ZNF511: variants seen among roughly 807,000 people sequenced by gnomAD.
The protein encoded by ZNF511 is zinc finger protein 511.
Under a neutral mutation model 24.8 loss-of-function variants are expected in ZNF511, and 26 were observed. That is an observed-to-expected ratio of 1.05 (90% CI 0.77 to 1.46). The LOEUF (loss-of-function observed/expected upper bound fraction) is 1.46, where lower values mean the gene tolerates loss of function less well. ZNF511 is among the 40% of genes most tolerant of loss of function. The probability of loss-of-function intolerance (pLI) is 0.00; values close to 1 mark genes in which losing one functional copy is unlikely to be tolerated. For synonymous variants in ZNF511, 144 were observed against 139.6 expected, an observed-to-expected ratio of 1.03 and a Z score of -0.22; for missense variants, 358 against 345.0, an observed-to-expected ratio of 1.04 and a Z score of -0.30.
Position 133,308,937 on chromosome 10 carries a change from C to A in ZNF511, c.-7C>A. On this transcript the variant is annotated 5_prime_UTR_variant, in exon 1 of 6. Coordinates refer to ENST00000361518, the MANE Select transcript of ZNF511 (RefSeq NM_145806.4). The stretch of plus-strand genomic sequence containing the variant: ...CCGACAGGCTGCGCCCGCCCGCGCC[C>A]GGGGTGATGCAGTTGCCCCCCGCGC... The A allele has an allele frequency of 3.3e-6, 4 of 1,224,328 alleles. No homozygotes were observed. The highest frequency in any genetic ancestry group is 4.1e-6 in the Non-Finnish European group (4 of 977,932). The allele number at this position is 1,224,328 out of a possible 1,614,324, so 75.8% of individuals were successfully genotyped here. A position where few individuals can be genotyped will look rare whatever the true frequency, so the allele number is the denominator to read the frequency against.
chr10:133,309,138 T>C (rs1589841674), intron 1 of ZNF511, 42 bp downstream of exon 1: 2 of 1,380,524 alleles, frequency 1.4e-6, no homozygotes, highest in East Asian at 2.8e-5. Context: ...TAGGATCCAG[T>C]GGGGCCTACG....
chr10:133,309,771 G>A lies in ZNF511; in HGVS notation c.228-5G>A. 1 of 1,612,534 alleles carries A rather than the reference G, an allele frequency of 6.2e-7. No homozygotes were observed. The highest frequency in any genetic ancestry group is 8.5e-7 in the Non-Finnish European group (1 of 1,180,018). ...AAGGGCTCCTGAAGCACGTCTCCTTGGCAGGGTGCCCGCGTTTGCCTGCCA... is the reference window on the plus strand; with the variant it reads ...AAGGGCTCCTGAAGCACGTCTCCTTAGCAGGGTGCCCGCGTTTGCCTGCCA... On this transcript the variant is annotated splice_region_variant and splice_polypyrimidine_tract_variant and intron_variant, in intron 2 of 5. Coordinates refer to ENST00000361518, the MANE Select transcript of ZNF511 (RefSeq NM_145806.4).
chr10:133,312,152 C>CGTTT, intron 5 of ZNF511: 1 of 1,433,668 alleles, frequency 7.0e-7, no homozygotes, highest in Non-Finnish European at 9.1e-7. Context: ...CAGGCGTCTG[C>CGTTT]CTTAATAGCA....
rs1847951194 is a variant in ZNF511 at position 133,309,971 on chromosome 10, G to A, written c.423G>A (p.Gln141=). The change falls in exon 3 of 6, where the codon CAG becomes CAA. Residue 141 remains glutamine (Q), a synonymous_variant. Transcript: ENST00000361518. ...DSLFQILSER[Q]DMYQCLVEGC... Reference sequence around the variant, plus strand: ...TCTTCCAGATCCTGTCTGAGAGGCAGGACATGGTGGGTGACAACTGCACAG... The same window carrying A: ...TCTTCCAGATCCTGTCTGAGAGGCAAGACATGGTGGGTGACAACTGCACAG... 3 of 1,612,772 alleles carry A rather than the reference G, an allele frequency of 1.9e-6. No homozygotes were observed. The highest frequency in any genetic ancestry group is 2.5e-6 in the Non-Finnish European group (3 of 1,179,906).
intron 4 of ZNF511, among the ~76,000 whole-genome samples, chr10:133,311,230 TTAAAA>T (rs953683597): frequency 1.3e-5 from 2 of 152,232 alleles, no homozygotes; most frequent in African/African-American, 4.8e-5. Context: ...AATTTGCTCT[TTAAAA>T]TAAAAGAACT....
At position 133,312,774 on chromosome 10, in the gene ZNF511, T is replaced by C. The variant is rs767457942; in HGVS notation, c.681-14T>C. On this transcript the variant is annotated splice_polypyrimidine_tract_variant and intron_variant, in intron 5 of 5. Transcript: ENST00000361518. The stretch of plus-strand genomic sequence containing the variant: ...GCAAATACAGCATCTAATAGAAACT[T>C]TCTTCCATCCCAGAATACCCTCTAC... 3 of 1,614,188 alleles carry C rather than the reference T, an allele frequency of 1.9e-6. No individual in the cohort carries two copies. The East Asian group carries it at 6.7e-5, about 36-fold the overall frequency.
chr10:133,309,374 C>G lies in ZNF511; in HGVS notation c.154-16C>G. 1 of 1,609,136 alleles carries G rather than the reference C, an allele frequency of 6.2e-7. No individual in the cohort carries two copies. Among genetic ancestry groups the G allele is most frequent in the Non-Finnish European group, 8.5e-7 (1 of 1,178,620 alleles). On this transcript the variant is annotated splice_polypyrimidine_tract_variant and intron_variant, in intron 1 of 5. Transcript: ENST00000361518. ...GCGAGTCACCTGGCCCCGCCCACGG[C>G]GCACTTTTCCTGCAGGATGGGGACG...
chr10:133,310,843 C>G (rs1484703771), intron 4 of ZNF511, among the ~76,000 whole-genome samples: 4 of 151,962 alleles, frequency 2.6e-5, no homozygotes, highest in Admixed American at 1.3e-4. Flanking sequence ...GCTCTGACAC[C>G]CAGGCTGGAG....
intron 4 of ZNF511, 50 bp from the exon 5 acceptor site, chr10:133,311,664 CAG>C (rs747079588): frequency 1.3e-4 from 196 of 1,479,298 alleles, no homozygotes; most frequent in East Asian, 1.6e-4. Context: ...CTGGGGAACA[CAG>C]GGGCTGTGGG....
Position 133,309,511 on chromosome 10 carries a change from C to T in ZNF511, c.227+48C>T, listed in dbSNP as rs777004771. 3.9e-5 allele frequency: 62 copies of T among 1,572,350 alleles called. No homozygotes were observed. The South Asian group carries it at 6.7e-4, about 17-fold the overall frequency. On this transcript the variant is annotated intron_variant, in intron 2 of 5. Coordinates refer to ENST00000361518, the MANE Select transcript of ZNF511 (RefSeq NM_145806.4). ...GCCAGTGCTACTCCTGCGCCGCCTC[C>T]CTGACCGGTGCCTGGTCCCTGGGGC...
intron 4 of ZNF511, chr10:133,310,498 T>G (rs1220730672): frequency 4.9e-6 from 3 of 615,332 alleles, no homozygotes; most frequent in Non-Finnish European, 8.4e-6. Flanking sequence ...GGGGAGCCCC[T>G]GGCTGCCCAG....
chr10:133,312,429 C>A, intron 5 of ZNF511: 1 of 1,199,262 alleles, frequency 8.3e-7, no homozygotes, highest in Non-Finnish European at 1.0e-6. Flanking sequence ...TCCCTGCACC[C>A]TCCTTACAGA....
Position 133,308,969 on chromosome 10 carries a change from C to T in ZNF511, c.26C>T (p.Ala9Val). 8.1e-7 allele frequency: 1 copy of T among 1,242,186 alleles called. No individual in the cohort carries two copies. Among genetic ancestry groups the T allele is most frequent in the South Asian group, 3.9e-5 (1 of 25,578 alleles). 76.9% of individuals were successfully genotyped at this position (1,242,186 alleles called of 1,614,324 possible). MQLPPALC[A>V]RLAAGPGAAE... ...ATGCAGTTGCCCCCCGCGCTGTGCGCCCGCCTCGCTGCGGGGCCCGGGGCG... is the reference window on the plus strand; with the variant it reads ...ATGCAGTTGCCCCCCGCGCTGTGCGTCCGCCTCGCTGCGGGGCCCGGGGCG... The change falls in exon 1 of 6, where the codon GCC (alanine) becomes GTC (valine). Residue 9 changes from alanine (A) to valine (V), a missense_variant. Coordinates refer to ENST00000361518, the MANE Select transcript of ZNF511 (RefSeq NM_145806.4).
intron 5 of ZNF511, 94 bp downstream of exon 5, chr10:133,311,935 G>C: frequency 3.7e-6 from 6 of 1,613,088 alleles, no homozygotes; most frequent in Non-Finnish European, 5.1e-6. Context: ...TTCTCATACT[G>C]AATTCAGAAA....
intron 2 of ZNF511, 134 bp downstream of exon 2, chr10:133,309,597 G>T: frequency 7.8e-7 from 1 of 1,278,222 alleles, no homozygotes; most frequent in Non-Finnish European, 1.1e-6. Context: ...TCCAGCTTTG[G>T]CGTGGCCGAC....
Position 133,309,993 on chromosome 10 carries a change from A to C in ZNF511, c.429+16A>C. The C allele has an allele frequency of 6.2e-7, 1 of 1,611,892 alleles. No individual in the cohort carries two copies. On this transcript the variant is annotated intron_variant, in intron 3 of 5. Transcript: ENST00000361518. Reference sequence around the variant, plus strand: ...GCAGGACATGGTGGGTGACAACTGCACAGCCGCCGAGGCCACCCCCCATTG... The same window carrying C: ...GCAGGACATGGTGGGTGACAACTGCCCAGCCGCCGAGGCCACCCCCCATTG...
rs781492205 is a variant in ZNF511, at chr10:133,312,733, C to G, written c.681-55C>G. 663 of 1,613,308 alleles carry G rather than the reference C, an allele frequency of 4.1e-4. 1 individual carries two copies. Among genetic ancestry groups the G allele is most frequent in the Non-Finnish European group, 5.2e-4 (608 of 1,179,568 alleles). ...AGGAGACACACAAGTGCTGTTATGA[C>G]CTGGGTTGTTGGTTGGCAAATACAG... is the stretch of plus-strand genomic sequence containing the variant. On this transcript the variant is annotated intron_variant, in intron 5 of 5. Coordinates refer to ENST00000361518, the MANE Select transcript of ZNF511 (RefSeq NM_145806.4).
Position 133,309,183 on chromosome 10 carries a change from G to C in ZNF511, c.153+87G>C, listed in dbSNP as rs981508363. 1.2e-5 allele frequency: 17 copies of C among 1,375,946 alleles called. No homozygotes were observed. The Admixed American group carries it at 5.6e-4, about 45-fold the overall frequency. 85.2% of individuals were successfully genotyped at this position (1,375,946 alleles called of 1,614,324 possible). A position where few individuals can be genotyped will look rare whatever the true frequency, so the allele number is the denominator to read the frequency against. The stretch of plus-strand genomic sequence containing the variant: ...CGGGGCCGGAGCCTGGAGTGGGAGG[G>C]GCCTACGACTGCGGGGCGGGGCCGG... On this transcript the variant is annotated intron_variant, in intron 1 of 5. Coordinates refer to ENST00000361518, the MANE Select transcript of ZNF511 (RefSeq NM_145806.4).
rs775574245 is a variant in ZNF511 at position 133,309,398 on chromosome 10, C to T, written c.162C>T (p.Asp54=). The change falls in exon 2 of 6, where the codon GAC becomes GAT. Residue 54 remains aspartate (D), a synonymous_variant. Transcript: ENST00000361518. ...PREHQFFEDG[D]VQRHLYLQDV... The stretch of plus-strand genomic sequence containing the variant: ...GCGCACTTTTCCTGCAGGATGGGGA[C>T]GTGCAGCGCCACCTCTACCTCCAGG... The T allele has an allele frequency of 2.5e-6, 4 of 1,611,606 alleles. No individual in the cohort carries two copies. The highest frequency in any genetic ancestry group is 2.2e-5 in the South Asian group (2 of 90,920).
Sources: allele counts gnomAD v4.1 joint callset (sites outside exome capture counted in the v4.1 genomes callset), GRCh38; gene constraint gnomAD v4.1.1; transcripts MANE v1.5; gene names NCBI Gene and HGNC (gene_info 2026-07-23, HGNC 2026-07-21).